The following MIPEP variants were observed in gnomAD, a reference collection of about 807,000 sequenced individuals.
The protein encoded by MIPEP is mitochondrial intermediate peptidase.
Under a neutral mutation model 90.3 loss-of-function variants are expected in MIPEP, and 79 were observed. The ratio of observed to expected loss-of-function variants is 0.87; its 90% CI spans 0.73 to 1.05. The LOEUF (loss-of-function observed/expected upper bound fraction) is 1.05. Among genes scored for constraint, MIPEP ranks in the 50% least tolerant of loss-of-function variants. The pLI, the probability that MIPEP is intolerant of heterozygous loss-of-function variation, is 0.00. For synonymous variants in MIPEP, 334 were observed against 315.8 expected (o/e 1.06, Z -0.61); for missense variants, 940 against 905.6 (o/e 1.04, Z -0.49).
intron 17 of MIPEP, among the ~76,000 whole-genome samples, chr13:23,759,283 G>A (rs535041516): frequency 5.7e-4 from 87 of 152,126 alleles, no homozygotes; most frequent in African/African-American, 2.0e-3. Context: ...GCCAGCATGG[G>A]ATCCTCTGCA....
At chr13:23,808,646 T>G (rs535686579) in intron 15 of MIPEP, among the ~76,000 whole-genome samples, 53 of 152,330 alleles carry the variant, frequency 3.5e-4, no homozygotes, top group African/African-American at 1.3e-3. Flanking sequence ...AACAGACTTT[T>G]AAAAGCCAGG....
intron 2 of MIPEP, among the ~76,000 whole-genome samples, chr13:23,885,758 GA>G (rs1327728888): frequency 6.7e-6 from 1 of 149,908 alleles, no homozygotes; most frequent in Non-Finnish European, 1.5e-5. Flanking sequence ...AAGCATTCCT[GA>G]AAAGGTTTAT....
In MIPEP at chr13:23,828,003, C is replaced by G. The variant is rs1868548692; in HGVS notation, c.1653+8237G>C. On this transcript the variant is annotated intron_variant, in intron 14 of 18. Transcript: ENST00000382172. ...ATTAAAAAATAACTATTATTTAGGA[C>G]CAAGGTGGCTTAATCCTGAAATGCA... Among the ~76,000 whole-genome samples, 6 of 152,218 alleles carry G rather than the reference C, an allele frequency of 3.9e-5. No homozygotes were observed. The South Asian group carries it at 1.2e-3, about 32-fold the overall frequency.
intron 3 of MIPEP, among the ~76,000 whole-genome samples, chr13:23,881,347 T>A (rs1871262390): frequency 6.6e-6 from 1 of 152,216 alleles, no homozygotes; most frequent in African/African-American, 2.4e-5. Context: ...TAAGTGATAA[T>A]GGTGATGACA....
intron 12 of MIPEP, among the ~76,000 whole-genome samples, chr13:23,838,970 A>G (rs965733561): frequency 6.6e-6 from 1 of 152,274 alleles, no homozygotes; most frequent in African/African-American, 2.4e-5. Context: ...ATTGTGAATC[A>G]CTATTCAAAC....
chr13:23,779,109 G>A (rs1952748335), intron 16 of MIPEP, among the ~76,000 whole-genome samples: 1 of 152,094 alleles, frequency 6.6e-6, no homozygotes, highest in Non-Finnish European at 1.5e-5. Flanking sequence ...CAAACCATAG[G>A]TCAAACCAGA....
intron 16 of MIPEP, among the ~76,000 whole-genome samples, chr13:23,773,019 T>C (rs1315524055): frequency 6.6e-6 from 1 of 152,162 alleles, no homozygotes; most frequent in African/African-American, 2.4e-5. Context: ...TCTTTTCAAG[T>C]GTACACTTTA....
At chr13:23,844,643 A>T (rs1216621171) in intron 10 of MIPEP, among the ~76,000 whole-genome samples, 2 of 152,250 alleles carry the variant, frequency 1.3e-5, no homozygotes, top group Non-Finnish European at 2.9e-5. Context: ...AAGAAACTTT[A>T]CATATTAAAA....
intron 16 of MIPEP, among the ~76,000 whole-genome samples, chr13:23,784,640 G>A (rs12560330): frequency 0.21 from 31,906 of 152,108 alleles, 3,965 homozygotes; most frequent in East Asian, 0.43. Context: ...TGACAAATGG[G>A]ATCTAATTAA....
intron 14 of MIPEP, among the ~76,000 whole-genome samples, chr13:23,823,680 T>C (rs1033387109): frequency 6.6e-6 from 1 of 152,054 alleles, no homozygotes; most frequent in African/African-American, 2.4e-5. Flanking sequence ...AAATTTAAAA[T>C]TAGCTGGGCA....
chr13:23,790,510 A>C (rs1263610859), intron 16 of MIPEP, among the ~76,000 whole-genome samples: 1 of 152,234 alleles, frequency 6.6e-6, no homozygotes, highest in Non-Finnish European at 1.5e-5. Flanking sequence ...CTGAGGTGAG[A>C]AGGTTATCCT....
rs77560795 is a variant in MIPEP, at chr13:23,846,958, T to C, written c.1107-5470A>G. On this transcript the variant is annotated intron_variant, in intron 10 of 18. Coordinates refer to ENST00000382172, the MANE Select transcript of MIPEP (RefSeq NM_005932.4). ...CCTTTAAGGTAATACTATCACCCTA[T>C]GTTACAATGGAGAAAACAGGTTTAC... is the stretch of plus-strand genomic sequence containing the variant. 4.3e-3 allele frequency among the ~76,000 whole-genome samples: 653 copies of C among 152,282 alleles called. 2 individuals carry two copies. Among genetic ancestry groups the C allele is most frequent in the African/African-American group, 0.015 (626 of 41,544 alleles).
At chr13:23,887,810 A>G (rs1174778209) in intron 1 of MIPEP, among the ~76,000 whole-genome samples, 5 of 152,248 alleles carry the variant, frequency 3.3e-5, no homozygotes, top group African/African-American at 1.2e-4. Context: ...AAGTTAAGCT[A>G]GTAATCTCTC....
chr13:23,751,873 G>C (rs928768205), intron 18 of MIPEP, among the ~76,000 whole-genome samples: 2 of 151,748 alleles, frequency 1.3e-5, no homozygotes, highest in African/African-American at 4.8e-5. Context: ...TTGATCAGTG[G>C]ATGTCAGGCA....
At chr13:23,819,069 T>C (rs1186070201) in intron 14 of MIPEP, among the ~76,000 whole-genome samples, 1 of 152,262 alleles carries the variant, frequency 6.6e-6, no homozygotes, top group Non-Finnish European at 1.5e-5. Flanking sequence ...TGTGTTTCAC[T>C]ACTGGGTACT....
intron 16 of MIPEP, among the ~76,000 whole-genome samples, chr13:23,773,705 T>A (rs1952679708): frequency 6.6e-6 from 1 of 152,232 alleles, no homozygotes; most frequent in Non-Finnish European, 1.5e-5. Context: ...TGCATATCCC[T>A]AATGATGCTG....
intron 18 of MIPEP, among the ~76,000 whole-genome samples, chr13:23,746,994 C>T (rs1348384406): frequency 6.6e-6 from 1 of 152,118 alleles, no homozygotes; most frequent in Non-Finnish European, 1.5e-5. Context: ...GTAACGGTGA[C>T]AAAACAGAAG....
intron 10 of MIPEP, among the ~76,000 whole-genome samples, chr13:23,855,062 G>A (rs1328615199): frequency 6.6e-6 from 1 of 152,080 alleles, no homozygotes; most frequent in Non-Finnish European, 1.5e-5. Flanking sequence ...GGTGACTTCT[G>A]GGGCAGAGGT....
intron 14 of MIPEP, among the ~76,000 whole-genome samples, chr13:23,830,778 C>A (rs1248010711): frequency 6.6e-6 from 1 of 152,112 alleles, no homozygotes; most frequent in Non-Finnish European, 1.5e-5. Context: ...TCTTAAACCC[C>A]TCCTAATGTG....
Sources: allele counts gnomAD v4.1 joint callset (sites outside exome capture counted in the v4.1 genomes callset), GRCh38; gene constraint gnomAD v4.1.1; transcripts MANE v1.5; gene names NCBI Gene and HGNC (gene_info 2026-07-23, HGNC 2026-07-21).